Variants in PLA2G4F observed in about 807,000 individuals in gnomAD.
PLA2G4F encodes phospholipase A2 group IVF, also known as cytosolic phospholipase A2 zeta.
PLA2G4F carries 105 observed loss-of-function variants against 103.1 expected under a neutral mutation model. The observed-to-expected ratio is 1.02, with a 90% CI of 0.87 to 1.20. The LOEUF is 1.20. Ranked by LOEUF, PLA2G4F falls within the 50% of genes most tolerant of loss-of-function variation. The probability of loss-of-function intolerance (pLI) is 0.00; values close to 1 mark genes in which losing one functional copy is unlikely to be tolerated. For missense variants in PLA2G4F, 1,155 were observed against 1,075.9 expected, an observed-to-expected ratio of 1.07 and a Z score of -1.03; for synonymous variants, 468 against 441.1, an observed-to-expected ratio of 1.06 and a Z score of -0.76.
At chr15:42,152,234 T>C (rs2048968289) in intron 7 of PLA2G4F, among the ~76,000 whole-genome samples, 1 of 152,194 alleles carries the variant, frequency 6.6e-6, no homozygotes, top group African/African-American at 2.4e-5. Context: ...CAATAACATG[T>C]TAGGTAGTGG....
At chr15:42,146,061 C>T in intron 14 of PLA2G4F, 66 bp downstream of exon 14, 1 of 1,590,486 alleles carries the variant, frequency 6.3e-7, no homozygotes, top group East Asian at 2.2e-5. Flanking sequence ...ACCCTGATCA[C>T]CCTGGCCTCT....
rs746557577 is a variant in PLA2G4F at position 42,142,715 on chromosome 15, C to A, written c.2143-1G>T. On this transcript the variant is annotated splice_acceptor_variant, in intron 18 of 19. Transcript: ENST00000397272. LOFTEE classifies it high-confidence loss of function. ...AGTACTTCTCTGTCATCTTCAAGAC[C>A]TGAGCAGGAGCAAGCCTCTGACTCT... 6.2e-7 allele frequency: 1 copy of A among 1,613,916 alleles called. No individual in the cohort carries two copies. Among genetic ancestry groups the A allele is most frequent in the Non-Finnish European group, 8.5e-7 (1 of 1,179,984 alleles).
chr15:42,152,611 A>C (rs2048972016), intron 7 of PLA2G4F, 77 bp downstream of exon 7: 1 of 1,457,872 alleles, frequency 6.9e-7, no homozygotes, highest in Non-Finnish European at 9.4e-7. Flanking sequence ...TTCCTGCCCC[A>C]GACCCACCTC....
intron 7 of PLA2G4F, 114 bp from the exon 8 acceptor site, chr15:42,150,891 G>A: frequency 1.3e-6 from 2 of 1,486,412 alleles, no homozygotes; most frequent in Non-Finnish European, 1.8e-6. Context: ...CCTAGGAAAT[G>A]CCAGCTCTTA....
In PLA2G4F at chr15:42,146,239, C is replaced by T. The variant is rs775473359; in HGVS notation, c.1422G>A (p.Glu474=). 6.8e-6 allele frequency: 11 copies of T among 1,614,006 alleles called. No homozygotes were observed. The Admixed American group carries it at 1.8e-4, about 27-fold the overall frequency. ...GTTGGTCAGACAGCTTGGCAGGGTT[C>T]TCCTGGGCAGGAAAGAAGGGAGGCA... is the stretch of plus-strand genomic sequence containing the variant. ...LLVEYLLYQE[E]NPAKLSDQQE... Residue 474 remains glutamate (E), a splice_region_variant and synonymous_variant, in exon 14 of 20, where the codon GAG becomes GAA. Transcript: ENST00000397272.
chr15:42,155,338 A>G (rs1566883001), intron 2 of PLA2G4F, among the ~76,000 whole-genome samples, 179 bp downstream of exon 2: 1 of 150,988 alleles, frequency 6.6e-6, no homozygotes, highest in Non-Finnish European at 1.5e-5. Context: ...ACTTGCACTC[A>G]CACATACTTG....
In PLA2G4F at chr15:42,141,980, T is replaced by C. The variant is rs761147303; in HGVS notation, c.*4A>G. On this transcript the variant is annotated 3_prime_UTR_variant, in exon 20 of 20. Coordinates refer to ENST00000397272, the MANE Select transcript of PLA2G4F (RefSeq NM_213600.4). ...CTGTCACAGTCCTCCGCTTCCTGCC[T>C]TGGTCAGGCCCCTGCCCTCTCCCGA... 6.2e-7 allele frequency: 1 copy of C among 1,612,286 alleles called. No homozygotes were observed. Among genetic ancestry groups the C allele is most frequent in the East Asian group, 2.2e-5 (1 of 44,890 alleles).
In PLA2G4F at chr15:42,141,142, AC is replaced by A; in HGVS notation, c.*841del. 1 of 431,630 alleles carries A rather than the reference AC, an allele frequency of 2.3e-6. No individual in the cohort carries two copies. Among genetic ancestry groups the A allele is most frequent in the South Asian group, 1.7e-5 (1 of 60,378 alleles). The allele number at this position is 431,630 out of a possible 1,614,324, so 26.7% of individuals were successfully genotyped here. On this transcript the variant is annotated 3_prime_UTR_variant, in exon 20 of 20. Transcript: ENST00000397272. ...AGGAACTTGCACACCCTCCTGCCCC[AC>A]ATACAGGTGCACACCTCTCCCCCGA...
chr15:42,155,565 G>A lies in PLA2G4F; in HGVS notation c.136C>T (p.Leu46Phe). Reference protein sequence around the residue: ...WRRETYPYYDLQVKVLRATNI... With the variant: ...WRRETYPYYDFQVKVLRATNI... ...GTGGCCCTCAGCACCTTCACCTGGAGGTCATAGTATGGGTAGGTTTCCCGC... is the reference window on the plus strand; with the variant it reads ...GTGGCCCTCAGCACCTTCACCTGGAAGTCATAGTATGGGTAGGTTTCCCGC... Residue 46 changes from leucine to phenylalanine, a missense_variant, in exon 2 of 20, where the codon CTC becomes TTC. Physicochemically the swap from Leu to Phe is conservative, Grantham distance 22 (BLOSUM62 0). Transcript: ENST00000397272. 6.2e-7 allele frequency: 1 copy of A among 1,614,116 alleles called. No individual in the cohort carries two copies. The highest frequency in any genetic ancestry group is 8.5e-7 in the Non-Finnish European group (1 of 1,179,962).
rs1213618317 is a variant in PLA2G4F at position 42,150,696 on chromosome 15, C to A, written c.683G>T (p.Gly228Val). Residue 228 changes from glycine to valine, a missense_variant, in exon 8 of 20, where the codon GGC becomes GTC. Gly to Val is a moderately radical substitution (Grantham distance 109). This residue lies in a region of PLA2G4F where 370 missense variants were observed against 364.9 expected (regional missense o/e 1.01). Coordinates refer to ENST00000397272, the MANE Select transcript of PLA2G4F (RefSeq NM_213600.4). ...GTGGAAGGTAAAGGTGGGTGGGAGG[C>A]CTGGCTCTGTGGGAGGCTGCAGGGG... ...LLPLQPPTEPGLPPTFTFHVN... is the reference protein window; with the variant it reads ...LLPLQPPTEPVLPPTFTFHVN... 1.2e-6 allele frequency: 2 copies of A among 1,613,494 alleles called. No homozygotes were observed. Among genetic ancestry groups the A allele is most frequent in the Non-Finnish European group, 1.7e-6 (2 of 1,179,870 alleles).
At chr15:42,153,557 C>T (rs2048980827) in intron 5 of PLA2G4F, 63 bp downstream of exon 5, 4 of 1,591,264 alleles carry the variant, frequency 2.5e-6, no homozygotes, top group East Asian at 4.5e-5. Flanking sequence ...GTGACTGGCA[C>T]CTAGGAGCTG....
intron 11 of PLA2G4F, among the ~76,000 whole-genome samples, chr15:42,149,332 A>T (rs1438119226): frequency 6.6e-6 from 1 of 152,154 alleles, no homozygotes; most frequent in East Asian, 1.9e-4. Context: ...CTCTGCACAC[A>T]TGCACAGAGG....
At chr15:42,148,994 A>C in intron 11 of PLA2G4F, 1 of 985,378 alleles carries the variant, frequency 1.0e-6, no homozygotes, top group Non-Finnish European at 1.2e-6. Flanking sequence ...CTGAGGACTC[A>C]GGCAGCCTGG....
intron 4 of PLA2G4F, among the ~76,000 whole-genome samples, 185 bp downstream of exon 4, chr15:42,153,907 C>G (rs2048985140): frequency 6.6e-6 from 1 of 152,200 alleles, no homozygotes; most frequent in South Asian, 2.1e-4. Flanking sequence ...CCTCAAGGAG[C>G]TCATATTTTG....
At chr15:42,148,481 T>C (rs56914671) in intron 11 of PLA2G4F, 20,294 of 408,836 alleles carry the variant, frequency 0.05, 2,426 homozygotes, top group African/African-American at 0.31. Flanking sequence ...TTAGCAGCAT[T>C]TCTGGCCCCC....
At chr15:42,143,318 T>G (rs1474393924) in intron 18 of PLA2G4F, among the ~76,000 whole-genome samples, 2 of 152,106 alleles carry the variant, frequency 1.3e-5, no homozygotes, top group East Asian at 3.8e-4. Context: ...CACCATGGTC[T>G]TCCCTTCTCT....
chr15:42,145,590 T>A lies in PLA2G4F; in HGVS notation c.1765A>T (p.Ser589Cys), dbSNP rs551737833. ...CTACCCTCACCTGTGATATTCACAC[T>A]GCCTCTGTACCACTCCAGGAAGCTG... is the stretch of plus-strand genomic sequence containing the variant. ...GLSFLEWYRG[S>C]VNITDDCQKP... is the part of the protein sequence containing the mutation. Residue 589 changes from serine to cysteine, a missense_variant, in exon 16 of 20, where the codon AGT becomes TGT. Around this residue, in one of 3 missense-constraint regions of PLA2G4F, gnomAD observed 782 missense variants for 692.9 expected, o/e 1.13. Coordinates refer to ENST00000397272, the MANE Select transcript of PLA2G4F (RefSeq NM_213600.4). 1.9e-6 allele frequency: 3 copies of A among 1,614,092 alleles called. No individual in the cohort carries two copies. The highest frequency in any genetic ancestry group is 2.2e-5 in the East Asian group (1 of 44,882).
At chr15:42,153,481 T>A (rs681029) in intron 5 of PLA2G4F, 139 bp from the exon 6 acceptor site, 139,257 of 1,457,554 alleles carry the variant, frequency 0.096, 15,314 homozygotes, top group African/African-American at 0.44. Flanking sequence ...CCGCCCAACA[T>A]GCAGATGGGT....
Position 42,142,159 on chromosome 15 carries a change from A to G in PLA2G4F, c.2375T>C (p.Val792Ala), listed in dbSNP as rs778966730. Residue 792 changes from valine to alanine, a missense_variant, in exon 20 of 20, where the codon GTC (valine) becomes GCC (alanine). Around this residue, in one of 3 missense-constraint regions of PLA2G4F, gnomAD observed 782 missense variants for 692.9 expected, o/e 1.13. Coordinates refer to ENST00000397272, the MANE Select transcript of PLA2G4F (RefSeq NM_213600.4). Reference sequence around the variant, plus strand: ...ATAGGGGGTGTCTGGCCTGTTGATGACAAAGTCCCCAAAGGCCTTCTCCTC... The same window carrying G: ...ATAGGGGGTGTCTGGCCTGTTGATGGCAAAGTCCCCAAAGGCCTTCTCCTC... Reference protein sequence around the residue: ...TAEEKAFGDFVINRPDTPYGM... With the variant: ...TAEEKAFGDFAINRPDTPYGM... 3 of 1,613,982 alleles carry G rather than the reference A, an allele frequency of 1.9e-6. No homozygotes were observed. The African/African-American group carries it at 4.0e-5, about 22-fold the overall frequency.
Sources: allele counts gnomAD v4.1 joint callset (sites outside exome capture counted in the v4.1 genomes callset), GRCh38; gene constraint gnomAD v4.1.1; regional missense constraint gnomAD v4.1.1; transcripts MANE v1.5; gene names NCBI Gene and HGNC (gene_info 2026-07-23, HGNC 2026-07-21).